The following DLG2 variants were observed in gnomAD, a reference collection of about 807,000 sequenced individuals.
DLG2 encodes the protein discs large MAGUK scaffold protein 2.
DLG2 carries 45 observed loss-of-function variants against 132.5 expected under a neutral mutation model. The observed-to-expected ratio is 0.34, with a 90% confidence interval of 0.27 to 0.44. The LOEUF (loss-of-function observed/expected upper bound fraction) is 0.44. Ranked by LOEUF, DLG2 falls within the 20% of genes least tolerant of loss-of-function variation. The pLI, the probability that DLG2 is intolerant of heterozygous loss-of-function variation, is 1.00. For synonymous variants in DLG2, 424 were observed against 419.6 expected (o/e 1.01, Z -0.13); for missense variants, 1,045 against 1,196.9 (o/e 0.87, Z 1.87).
intron 6 of DLG2, among the ~76,000 whole-genome samples, chr11:84,972,222 C>T (rs923478481): frequency 6.6e-6 from 1 of 152,142 alleles, no homozygotes; most frequent in Non-Finnish European, 1.5e-5. Context: ...CTAAAGACCA[C>T]AAGATTTATG....
intron 10 of DLG2, among the ~76,000 whole-genome samples, chr11:84,076,923 T>G (rs1031781609): frequency 1.3e-5 from 2 of 152,212 alleles, no homozygotes; most frequent in East Asian, 3.8e-4. Flanking sequence ...CTTTACTGCA[T>G]GCAAACCCAC....
intron 3 of DLG2, among the ~76,000 whole-genome samples, chr11:85,470,153 A>T (rs538542904): frequency 5.3e-5 from 8 of 152,216 alleles, no homozygotes; most frequent in African/African-American, 1.4e-4. Context: ...ATGTAAAAAA[A>T]AAAAAAAGTA....
intron 9 of DLG2, among the ~76,000 whole-genome samples, chr11:84,149,948 G>A (rs944336450): frequency 6.6e-6 from 1 of 152,078 alleles, no homozygotes; most frequent in East Asian, 1.9e-4. Flanking sequence ...AGTAGAGATG[G>A]GGTTTCACTA....
At chr11:84,357,605 G>A (rs1011412961) in intron 7 of DLG2, among the ~76,000 whole-genome samples, 6 of 151,980 alleles carry the variant, frequency 3.9e-5, no homozygotes, top group African/African-American at 1.4e-4. Context: ...AAATTGTACT[G>A]CTAAAAGTAG....
chr11:84,622,398 C>T (rs535426960), intron 6 of DLG2, among the ~76,000 whole-genome samples: 58 of 152,118 alleles, frequency 3.8e-4, no homozygotes, highest in Admixed American at 2.8e-3. Flanking sequence ...TTGGGTATTA[C>T]GAGTGTAATC....
chr11:85,168,258 T>C lies in DLG2; in HGVS notation c.187-13607A>G, dbSNP rs537418991. 7.4e-4 allele frequency among the ~76,000 whole-genome samples: 113 copies of C among 152,274 alleles called. No homozygotes were observed. In the Middle Eastern group the frequency reaches 0.014, roughly 18 times the overall value. On this transcript the variant is annotated intron_variant, in intron 4 of 27. Transcript: ENST00000376104. ...TATAAAACCATGTGGAAAGATTTGA[T>C]TGTCAAAAATGAAGTGCAGACAACA...
At position 84,116,386 on chromosome 11, in the gene DLG2, T is replaced by C. The variant is rs144236514; in HGVS notation, c.625-17339A>G. Among the ~76,000 whole-genome samples the C allele has an allele frequency of 3.4e-3, 511 of 152,316 alleles. 9 individuals are homozygous for C. The highest frequency in any genetic ancestry group is 0.032 in the Admixed American group (490 of 15,298). ...CATTCTCAAGTGGCTAATAAAGACA[T>C]ATCTGAGACTGGGTAATTTATGAAG... On this transcript the variant is annotated intron_variant, in intron 9 of 27. Coordinates refer to ENST00000376104, the MANE Select transcript of DLG2 (RefSeq NM_001142699.3).
chr11:84,680,784 T>C (rs1257250136), intron 6 of DLG2, among the ~76,000 whole-genome samples: 1 of 152,202 alleles, frequency 6.6e-6, no homozygotes, highest in Non-Finnish European at 1.5e-5. Context: ...ACACTGTCTT[T>C]GCATGTATTG....
intron 6 of DLG2, chr11:84,923,517 C>G (rs1566408156): frequency 5.8e-6 from 6 of 1,033,802 alleles, no homozygotes; most frequent in Non-Finnish European, 7.0e-6. Flanking sequence ...CAATGAGTTA[C>G]TTATATTTCT....
chr11:83,912,683 G>A (rs1291930096), intron 15 of DLG2, among the ~76,000 whole-genome samples: 1 of 152,016 alleles, frequency 6.6e-6, no homozygotes, highest in East Asian at 1.9e-4. Context: ...TCTCAGGAAG[G>A]ATTCCTCCCA....
chr11:84,470,817 T>C (rs753484945), intron 7 of DLG2, among the ~76,000 whole-genome samples: 2 of 151,772 alleles, frequency 1.3e-5, no homozygotes, highest in Non-Finnish European at 2.9e-5. Context: ...TTGTGGTATG[T>C]TGGTGATTTT....
chr11:85,337,726 G>A (rs2082227214), intron 3 of DLG2, among the ~76,000 whole-genome samples: 1 of 152,264 alleles, frequency 6.6e-6, no homozygotes, highest in South Asian at 2.1e-4. Flanking sequence ...TACACTGGAA[G>A]AAAATATCTT....
chr11:84,151,654 C>CTT (rs1175617730), intron 9 of DLG2, among the ~76,000 whole-genome samples: 1 of 152,128 alleles, frequency 6.6e-6, no homozygotes, highest in Non-Finnish European at 1.5e-5. Context: ...AATGTGAGAT[C>CTT]TTTCTAACTT....
At chr11:83,488,347 T>C in intron 21 of DLG2, among the ~76,000 whole-genome samples, 1 of 151,998 alleles carries the variant, frequency 6.6e-6, no homozygotes, top group East Asian at 1.9e-4. Flanking sequence ...GAGTCACTAT[T>C]ACTCAGAAGT....
chr11:85,470,982 A>T (rs1190491698), intron 3 of DLG2, among the ~76,000 whole-genome samples: 2 of 152,224 alleles, frequency 1.3e-5, no homozygotes, highest in African/African-American at 4.8e-5. Flanking sequence ...TTTACATTGC[A>T]AAGTGTAAGT....
intron 3 of DLG2, among the ~76,000 whole-genome samples, chr11:85,306,602 G>T (rs146086875): frequency 7.8e-4 from 119 of 152,176 alleles, no homozygotes; most frequent in African/African-American, 2.7e-3. Flanking sequence ...ACGGAGTCTT[G>T]CTCTGTGGCC....
intron 18 of DLG2, chr11:83,724,995 A>C (rs1267493692): frequency 2.9e-6 from 2 of 690,642 alleles, no homozygotes; most frequent in East Asian, 5.4e-5. Flanking sequence ...GACGCTCTTG[A>C]GTGGTGGCCA....
chr11:85,176,934 C>T lies in DLG2; in HGVS notation c.187-22283G>A, dbSNP rs557688357. 6.6e-4 allele frequency among the ~76,000 whole-genome samples: 100 copies of T among 151,866 alleles called. 1 individual carries two copies. The highest frequency in any genetic ancestry group is 3.4e-3 in the Middle Eastern group (1 of 294). ...TACCATTTCATGCCAGTCAGAATGG[C>T]GATTATTAAAGTCAAGAAACAACAG... On this transcript the variant is annotated intron_variant, in intron 4 of 27. Coordinates refer to ENST00000376104, the MANE Select transcript of DLG2 (RefSeq NM_001142699.3).
intron 11 of DLG2, among the ~76,000 whole-genome samples, chr11:83,985,070 G>C (rs2093150046): frequency 6.6e-6 from 1 of 152,016 alleles, no homozygotes; most frequent in Admixed American, 6.6e-5. Context: ...AGCAATTTTT[G>C]GATAGCTATT....
Sources: allele counts gnomAD v4.1 joint callset (sites outside exome capture counted in the v4.1 genomes callset), GRCh38; gene constraint gnomAD v4.1.1; transcripts MANE v1.5; gene names NCBI Gene and HGNC (gene_info 2026-07-23, HGNC 2026-07-21).